CALN1: variants seen among roughly 807,000 people sequenced by gnomAD.
CALN1 encodes the protein calneuron 1, also known as calcium-binding protein 8.
In CALN1, 17 loss-of-function variants were observed where a neutral mutation model predicts 30.6. The ratio of observed to expected loss-of-function variants is 0.56; its 90% CI spans 0.38 to 0.83. The LOEUF (loss-of-function observed/expected upper bound fraction) is 0.83. CALN1 is among the 40% of genes least tolerant of loss of function. The pLI is 0.00. For missense variants in CALN1, 291 were observed against 354.9 expected (o/e 0.82, Z 1.45); for synonymous variants, 156 against 131.4 (o/e 1.19, Z -1.28).
intron 5 of CALN1, among the ~76,000 whole-genome samples, chr7:72,022,493 A>T (rs1800760150): frequency 6.6e-6 from 1 of 152,224 alleles, no homozygotes. Context: ...CCTGGGCTCA[A>T]GCGATCTTCC....
the CALN1 span, among the ~76,000 whole-genome samples, chr7:72,465,716 T>G: frequency 7.2e-5 from 11 of 152,314 alleles, no homozygotes; most frequent in East Asian, 5.8e-4. Flanking sequence ...ATCATTGAGG[T>G]CTGCGGGTAG....
intron 1 of CALN1, among the ~76,000 whole-genome samples, chr7:72,404,387 C>T (rs1806557031): frequency 6.6e-6 from 1 of 152,196 alleles, no homozygotes; most frequent in South Asian, 2.1e-4. Flanking sequence ...AATGTCAGTT[C>T]TCTTTGGTTT....
intron 3 of CALN1, among the ~76,000 whole-genome samples, chr7:72,174,814 G>C (rs1585093052): frequency 6.6e-6 from 1 of 152,126 alleles, no homozygotes; most frequent in Non-Finnish European, 1.5e-5. Context: ...GAAATCTTTG[G>C]TCTCTTTATT....
chr7:71,993,319 T>C (rs1461953248), intron 5 of CALN1, among the ~76,000 whole-genome samples: 2 of 151,996 alleles, frequency 1.3e-5, no homozygotes, highest in African/African-American at 4.8e-5. Flanking sequence ...ACTTATTATA[T>C]CTCTTAGTGG....
At chr7:72,279,824 C>T (rs1483715451) in intron 2 of CALN1, among the ~76,000 whole-genome samples, 1 of 152,164 alleles carries the variant, frequency 6.6e-6, no homozygotes, top group Non-Finnish European at 1.5e-5. Flanking sequence ...ATTCTGGTTC[C>T]CCATCTAGCA....
In CALN1 at chr7:72,412,292, G is replaced by A. The variant is rs114524220; in HGVS notation, c.-308C>T. On this transcript the variant is annotated 5_prime_UTR_variant, in exon 1 of 7. Transcript: ENST00000395275. Reference sequence around the variant, plus strand: ...AGCAGTAAGCTTTATTAAGAAGCAGGAAAGAAAAAAACACAAACTCAAGCG... The same window carrying A: ...AGCAGTAAGCTTTATTAAGAAGCAGAAAAGAAAAAAACACAAACTCAAGCG... 1.3e-5 allele frequency: 2 copies of A among 152,060 alleles called. No homozygotes were observed. Among genetic ancestry groups the A allele is most frequent in the Non-Finnish European group, 2.9e-5 (2 of 68,044 alleles). 9.4% of individuals were successfully genotyped at this position (152,060 alleles called of 1,614,324 possible). A position where few individuals can be genotyped will look rare whatever the true frequency, so the allele number is the denominator to read the frequency against.
At chr7:72,038,196 G>C (rs1801918048) in intron 4 of CALN1, among the ~76,000 whole-genome samples, 1 of 151,932 alleles carries the variant, frequency 6.6e-6, no homozygotes, top group Admixed American at 6.6e-5. Context: ...AGCTACTCCT[G>C]GAATGCATAC....
Position 71,850,675 on chromosome 7 carries a change from T to G in CALN1, c.502-40183A>C, listed in dbSNP as rs1014293693. 2.0e-5 allele frequency among the ~76,000 whole-genome samples: 3 copies of G among 152,196 alleles called. No individual in the cohort carries two copies. In the East Asian group the frequency reaches 5.8e-4, roughly 29 times the overall value. On this transcript the variant is annotated intron_variant, in intron 5 of 6. Transcript: ENST00000395275. The stretch of plus-strand genomic sequence containing the variant: ...TACTAAAGTAATAACAGTGGCTAGT[T>G]AGCTCTGCGGAGTTCAATATTTGGC...
At chr7:72,221,676 G>A (rs1048877619) in intron 3 of CALN1, among the ~76,000 whole-genome samples, 4 of 152,130 alleles carry the variant, frequency 2.6e-5, no homozygotes, top group Non-Finnish European at 2.9e-5. Flanking sequence ...GATCACCTGA[G>A]GTCAGGAGTT....
chr7:72,128,587 C>T (rs984695470), intron 3 of CALN1, among the ~76,000 whole-genome samples: 4 of 152,214 alleles, frequency 2.6e-5, no homozygotes, highest in Non-Finnish European at 2.9e-5. Context: ...AATCTTAAAA[C>T]GGGCCAGGTG....
chr7:71,877,013 G>T (rs1409364630), intron 5 of CALN1, among the ~76,000 whole-genome samples: 2 of 151,964 alleles, frequency 1.3e-5, no homozygotes, highest in African/African-American at 2.4e-5. Context: ...TTGTTTCTTT[G>T]TTTTTGTTTT....
chr7:72,484,546 G>A, the CALN1 span, among the ~76,000 whole-genome samples: 8 of 152,012 alleles, frequency 5.3e-5, no homozygotes, highest in East Asian at 3.9e-4. Context: ...CCGCCCCCGC[G>A]TAGTTTCCTG....
chr7:72,479,678 A>G, the CALN1 span, among the ~76,000 whole-genome samples: 1 of 151,632 alleles, frequency 6.6e-6, no homozygotes, highest in South Asian at 2.1e-4. Context: ...CAGCCTCCTG[A>G]GTAGCTAGGA....
At chr7:71,812,917 T>C (rs1156866044) in intron 5 of CALN1, among the ~76,000 whole-genome samples, 2 of 138,112 alleles carry the variant, frequency 1.4e-5, no homozygotes, top group African/African-American at 5.3e-5. Flanking sequence ...CTATTTTATT[T>C]ATCATCATCA....
chr7:71,813,320 C>T (rs1162554783), intron 5 of CALN1, among the ~76,000 whole-genome samples: 1 of 152,158 alleles, frequency 6.6e-6, no homozygotes, highest in Non-Finnish European at 1.5e-5. Context: ...GCTGAGATTA[C>T]AGGCACTGCA....
At chr7:71,815,940 C>T (rs1018205776) in intron 5 of CALN1, among the ~76,000 whole-genome samples, 2 of 151,170 alleles carry the variant, frequency 1.3e-5, no homozygotes, top group Middle Eastern at 3.4e-3. Context: ...TGCAGTAGTG[C>T]GATCATAGCT....
chr7:72,076,551 T>G (rs908773220), intron 4 of CALN1, among the ~76,000 whole-genome samples: 26 of 120,318 alleles, frequency 2.2e-4, no homozygotes, highest in Non-Finnish European at 6.5e-5. Context: ...TCAGCCGAGA[T>G]CACGCCACTG....
chr7:72,254,624 C>G (rs1315279245), intron 3 of CALN1, among the ~76,000 whole-genome samples: 1 of 152,078 alleles, frequency 6.6e-6, no homozygotes, highest in Non-Finnish European at 1.5e-5. Context: ...CTTCCTCACT[C>G]CGTTGTTTTT....
chr7:72,282,607 A>G (rs1797804271), intron 2 of CALN1, among the ~76,000 whole-genome samples: 1 of 152,220 alleles, frequency 6.6e-6, no homozygotes, highest in Admixed American at 6.5e-5. Flanking sequence ...TCCTGGAAGC[A>G]GAGAGCAGCT....
Sources: allele counts gnomAD v4.1 joint callset (sites outside exome capture counted in the v4.1 genomes callset), GRCh38; gene constraint gnomAD v4.1.1; transcripts MANE v1.5; gene names NCBI Gene and HGNC (gene_info 2026-07-23, HGNC 2026-07-21).